SUGCT: variants seen among roughly 807,000 people sequenced by gnomAD.
SUGCT encodes the protein succinyl-CoA:glutarate-CoA transferase.
Under a neutral mutation model 55.0 loss-of-function variants are expected in SUGCT, and 41 were observed. That is an observed-to-expected ratio of 0.74 (90% confidence interval 0.58 to 0.97). The LOEUF is 0.97. SUGCT is among the 50% of genes least tolerant of loss of function. SUGCT has a pLI of 0.00. For synonymous variants in SUGCT, 187 were observed against 200.4 expected (o/e 0.93, Z 0.56); for missense variants, 568 against 547.8 (o/e 1.04, Z -0.37).
chr7:40,142,657 AGTT>A (rs1562791376), intron 1 of SUGCT, among the ~76,000 whole-genome samples: 1 of 152,220 alleles, frequency 6.6e-6, no homozygotes, highest in Non-Finnish European at 1.5e-5. Context: ...TTTACCCCTG[AGTT>A]GTTGGCTAAC....
chr7:40,781,718 C>T (rs1173578313), intron 13 of SUGCT, among the ~76,000 whole-genome samples: 2 of 152,126 alleles, frequency 1.3e-5, no homozygotes, highest in Non-Finnish European at 2.9e-5. Flanking sequence ...GTGAAACTTA[C>T]AGGAAAAAAT....
At chr7:40,342,118 G>A (rs746199130) in intron 9 of SUGCT, among the ~76,000 whole-genome samples, 1 of 152,188 alleles carries the variant, frequency 6.6e-6, no homozygotes, top group Non-Finnish European at 1.5e-5. Context: ...GGCAGGGGAA[G>A]CCCCTGAGAA....
intron 12 of SUGCT, among the ~76,000 whole-genome samples, chr7:40,585,153 G>A (rs1584053090): frequency 6.6e-6 from 1 of 152,136 alleles, no homozygotes; most frequent in Non-Finnish European, 1.5e-5. Context: ...TTCTTAATGA[G>A]CTCCCTTTCT....
At chr7:40,875,720 G>A in the SUGCT span, among the ~76,000 whole-genome samples, 1 of 152,186 alleles carries the variant, frequency 6.6e-6, no homozygotes, top group Admixed American at 6.5e-5. Flanking sequence ...GAATCTATAA[G>A]TAATCTTCCC....
chr7:40,217,131 G>A (rs1171314818), intron 6 of SUGCT, among the ~76,000 whole-genome samples: 1 of 152,112 alleles, frequency 6.6e-6, no homozygotes, highest in Admixed American at 6.6e-5. Context: ...CTGTGATTAA[G>A]CTAGGGCCAC....
At chr7:40,940,812 G>C in the SUGCT span, among the ~76,000 whole-genome samples, 6 of 151,614 alleles carry the variant, frequency 4.0e-5, no homozygotes, top group African/African-American at 1.2e-4. Flanking sequence ...ACAATCTTTA[G>C]AGTTTTCTAG....
chr7:40,528,688 G>A (rs76463751), intron 12 of SUGCT, among the ~76,000 whole-genome samples: 5,384 of 152,244 alleles, frequency 0.035, 141 homozygotes, highest in Middle Eastern at 0.065. Flanking sequence ...TGGATTTGAT[G>A]TGGATATTTC....
intron 8 of SUGCT, among the ~76,000 whole-genome samples, chr7:40,310,582 G>A (rs1344442382): frequency 3.9e-5 from 6 of 152,312 alleles, no homozygotes; most frequent in Non-Finnish European, 5.9e-5. Context: ...GATACTGGAC[G>A]TGGAGTAGAT....
At chr7:40,372,358 C>T (rs771962060) in intron 9 of SUGCT, among the ~76,000 whole-genome samples, 2 of 151,992 alleles carry the variant, frequency 1.3e-5, no homozygotes, top group South Asian at 2.1e-4. Context: ...ACTTTGCAAT[C>T]GACGAATGAA....
At chr7:40,353,565 G>T (rs1230006400) in intron 9 of SUGCT, among the ~76,000 whole-genome samples, 1 of 152,066 alleles carries the variant, frequency 6.6e-6, no homozygotes, top group Non-Finnish European at 1.5e-5. Flanking sequence ...TTTTAATAAA[G>T]ATAATTTTAG....
chr7:40,389,365 T>G (rs1785287871), intron 9 of SUGCT, among the ~76,000 whole-genome samples: 1 of 151,978 alleles, frequency 6.6e-6, no homozygotes, highest in East Asian at 1.9e-4. Flanking sequence ...GGTGGGAGAA[T>G]CAATTGAGCC....
At chr7:40,965,254 A>C in the SUGCT span, 1 of 152,144 alleles carries the variant, frequency 6.6e-6, no homozygotes, top group South Asian at 2.1e-4. Context: ...AATAATAAGA[A>C]CTATGCAACT....
At chr7:40,371,120 G>T (rs1336780267) in intron 9 of SUGCT, among the ~76,000 whole-genome samples, 1 of 152,066 alleles carries the variant, frequency 6.6e-6, no homozygotes, top group African/African-American at 2.4e-5. Context: ...AATGCCAGAA[G>T]GGAAGAGTCC....
At chr7:40,931,690 A>G in the SUGCT span, among the ~76,000 whole-genome samples, 1 of 151,820 alleles carries the variant, frequency 6.6e-6, no homozygotes, top group Non-Finnish European at 1.5e-5. Context: ...TTTCTTCTAG[A>G]TTTTCTAGTT....
chr7:40,236,198 C>T (rs959694342), intron 6 of SUGCT, among the ~76,000 whole-genome samples: 2 of 152,042 alleles, frequency 1.3e-5, no homozygotes, highest in Non-Finnish European at 2.9e-5. Flanking sequence ...GCTGGGATTA[C>T]AGGCGCCTAC....
intron 12 of SUGCT, among the ~76,000 whole-genome samples, chr7:40,715,605 A>G (rs974691602): frequency 1.3e-5 from 2 of 152,170 alleles, no homozygotes; most frequent in South Asian, 2.1e-4. Flanking sequence ...CATAAAAGCT[A>G]CAAAAGGAAG....
At chr7:40,798,121 A>G (rs1395894932) in intron 13 of SUGCT, among the ~76,000 whole-genome samples, 1 of 151,854 alleles carries the variant, frequency 6.6e-6, no homozygotes, top group Non-Finnish European at 1.5e-5. Flanking sequence ...AACCTTCCTT[A>G]CTCTTCTGCA....
intron 1 of SUGCT, among the ~76,000 whole-genome samples, chr7:40,154,646 G>A (rs1047833744): frequency 3.3e-5 from 5 of 151,996 alleles, no homozygotes; most frequent in East Asian, 1.9e-4. Context: ...CAGGCTTTAC[G>A]GCCTGTTTTC....
intron 12 of SUGCT, among the ~76,000 whole-genome samples, chr7:40,543,676 T>C (rs768344988): frequency 6.6e-6 from 1 of 152,260 alleles, no homozygotes; most frequent in Non-Finnish European, 1.5e-5. Context: ...CAAATTATAA[T>C]GAACTTTTAG....
Sources: allele counts gnomAD v4.1 joint callset (sites outside exome capture counted in the v4.1 genomes callset), GRCh38; gene constraint gnomAD v4.1.1; transcripts MANE v1.5; gene names NCBI Gene and HGNC (gene_info 2026-07-23, HGNC 2026-07-21).